The following TENM4 variants were observed in gnomAD, a reference collection of about 807,000 sequenced individuals.
TENM4 encodes teneurin-4.
TENM4 carries 82 observed loss-of-function variants against 243.3 expected under a neutral mutation model. The observed-to-expected ratio is 0.34, with a 90% CI of 0.28 to 0.40. The LOEUF (loss-of-function observed/expected upper bound fraction) is 0.40, where lower values mean the gene tolerates loss of function less well. Ranked by LOEUF, TENM4 falls within the 10% of genes least tolerant of loss-of-function variation. The pLI is 1.00. For missense variants in TENM4, 3,138 were observed against 3,673.3 expected, an observed-to-expected ratio of 0.85 and a Z score of 3.77; for synonymous variants, 1,412 against 1,456.3, an observed-to-expected ratio of 0.97 and a Z score of 0.69.
chr11:79,153,016 C>A (rs1014133358), intron 3 of TENM4, among the ~76,000 whole-genome samples: 2 of 152,172 alleles, frequency 1.3e-5, no homozygotes, highest in Non-Finnish European at 2.9e-5. Flanking sequence ...GAATGGCTTT[C>A]CATCACTTGC....
intron 1 of TENM4, among the ~76,000 whole-genome samples, chr11:79,367,617 T>G (rs746119943): frequency 6.6e-6 from 1 of 152,242 alleles, no homozygotes; most frequent in Non-Finnish European, 1.5e-5. Flanking sequence ...CTTATAGTTG[T>G]CTTGGCAATA....
intron 29 of TENM4, among the ~76,000 whole-genome samples, chr11:78,683,279 G>C (rs989698978): frequency 1.5e-5 from 1 of 67,196 alleles, no homozygotes; most frequent in Non-Finnish European, 3.2e-5. Flanking sequence ...AGGCAGGCAG[G>C]CCTCCTTGAG....
intron 6 of TENM4, among the ~76,000 whole-genome samples, chr11:78,983,628 C>A (rs1302707302): frequency 1.3e-5 from 2 of 152,230 alleles, no homozygotes; most frequent in African/African-American, 4.8e-5. Context: ...CAGGGAGAGG[C>A]CTTGCCTGGC....
intron 4 of TENM4, among the ~76,000 whole-genome samples, chr11:79,088,071 T>A (rs1282146813): frequency 6.6e-6 from 1 of 152,222 alleles, no homozygotes; most frequent in Non-Finnish European, 1.5e-5. Context: ...GTTCTCTTGA[T>A]TGTAGTTCTA....
At chr11:79,359,520 A>G (rs1003279984) in intron 1 of TENM4, among the ~76,000 whole-genome samples, 2 of 152,220 alleles carry the variant, frequency 1.3e-5, no homozygotes, top group Non-Finnish European at 2.9e-5. Context: ...TGGTGAATAC[A>G]TGAGGAGGTT....
intron 6 of TENM4, among the ~76,000 whole-genome samples, chr11:79,016,181 A>G (rs903477883): frequency 2.0e-5 from 3 of 152,184 alleles, no homozygotes; most frequent in African/African-American, 4.8e-5. Flanking sequence ...GCTCTCAAAG[A>G]TCTATTGTAT....
chr11:79,373,728 G>A (rs933509551), intron 1 of TENM4, among the ~76,000 whole-genome samples: 1 of 151,994 alleles, frequency 6.6e-6, no homozygotes, highest in Non-Finnish European at 1.5e-5. Context: ...ATATGGTGAG[G>A]TAGTTGATTC....
intron 25 of TENM4, among the ~76,000 whole-genome samples, chr11:78,714,976 G>C (rs1468356575): frequency 1.3e-5 from 2 of 152,230 alleles, no homozygotes; most frequent in African/African-American, 2.4e-5. Context: ...GAAGAGACTG[G>C]ATTTTGTTCG....
chr11:79,338,125 C>T (rs762899493), intron 1 of TENM4, among the ~76,000 whole-genome samples: 2 of 152,228 alleles, frequency 1.3e-5, no homozygotes, highest in Non-Finnish European at 2.9e-5. Context: ...TGCACCCCCA[C>T]AGGCTAGAGC....
intron 1 of TENM4, among the ~76,000 whole-genome samples, chr11:79,339,250 G>A (rs907264): frequency 0.066 from 10,118 of 152,254 alleles, 385 homozygotes; most frequent in African/African-American, 0.068. Flanking sequence ...CAGAACACCA[G>A]ACAAATCACT....
At chr11:79,210,807 C>G (rs1259538528) in intron 3 of TENM4, among the ~76,000 whole-genome samples, 1 of 152,162 alleles carries the variant, frequency 6.6e-6, no homozygotes, top group Non-Finnish European at 1.5e-5. Context: ...AGATAACGGG[C>G]ATTACTTTAT....
chr11:78,979,716 T>C (rs1027153894), intron 6 of TENM4, among the ~76,000 whole-genome samples: 1 of 151,386 alleles, frequency 6.6e-6, no homozygotes, highest in Non-Finnish European at 1.5e-5. Context: ...GGAGCAGAGA[T>C]AGGGATGGTG....
intron 19 of TENM4, among the ~76,000 whole-genome samples, chr11:78,752,199 G>A (rs950064305): frequency 6.6e-6 from 1 of 152,184 alleles, no homozygotes; most frequent in Non-Finnish European, 1.5e-5. Context: ...AGCACTGTGC[G>A]GGGCCCTGGG....
chr11:79,421,696 C>T (rs1858934218), intron 1 of TENM4, among the ~76,000 whole-genome samples: 1 of 149,492 alleles, frequency 6.7e-6, no homozygotes, highest in South Asian at 2.1e-4. Flanking sequence ...TCTTCCCTGG[C>T]TCTGAAATTA....
intron 3 of TENM4, among the ~76,000 whole-genome samples, chr11:79,179,120 A>C (rs79079881): frequency 1.3e-5 from 2 of 152,200 alleles, no homozygotes; most frequent in South Asian, 4.1e-4. Context: ...ATGATGATAT[A>C]CTATATTTTG....
intron 6 of TENM4, among the ~76,000 whole-genome samples, chr11:78,965,034 A>AT (rs1261955183): frequency 3.3e-5 from 5 of 151,796 alleles, no homozygotes; most frequent in Non-Finnish European, 7.4e-5. Context: ...TGCCTGGCTA[A>AT]TTTTTGTATT....
chr11:79,299,122 A>G (rs1856510243), intron 1 of TENM4, among the ~76,000 whole-genome samples: 1 of 152,134 alleles, frequency 6.6e-6, no homozygotes, highest in South Asian at 2.1e-4. Context: ...ACAATTTATT[A>G]AAATAAATTA....
chr11:78,984,504 T>A (rs374401348), intron 6 of TENM4, among the ~76,000 whole-genome samples: 5 of 152,328 alleles, frequency 3.3e-5, no homozygotes, highest in African/African-American at 1.2e-4. Flanking sequence ...CTTACTGTTA[T>A]CCGCCCTGTT....
intron 3 of TENM4, among the ~76,000 whole-genome samples, chr11:79,211,827 G>A (rs1232329672): frequency 6.6e-6 from 1 of 152,152 alleles, no homozygotes; most frequent in Non-Finnish European, 1.5e-5. Flanking sequence ...ACGTTGAAGA[G>A]TAAAACAGAA....
Sources: allele counts gnomAD v4.1 joint callset (sites outside exome capture counted in the v4.1 genomes callset), GRCh38; gene constraint gnomAD v4.1.1; transcripts MANE v1.5; gene names NCBI Gene and HGNC (gene_info 2026-07-23, HGNC 2026-07-21).